The following PTPRN2 variants were observed in gnomAD, a reference collection of about 807,000 sequenced individuals.
The protein encoded by PTPRN2 is receptor-type tyrosine-protein phosphatase N2.
A neutral mutation model predicts 118.8 loss-of-function variants in PTPRN2; 74 were observed. The ratio of observed to expected loss-of-function variants is 0.62; its 90% CI spans 0.52 to 0.76. The LOEUF (loss-of-function observed/expected upper bound fraction) is 0.76. PTPRN2 is among the 30% of genes least tolerant of loss of function. PTPRN2 has a pLI of 0.00. For missense variants in PTPRN2, 1,481 were observed against 1,394.4 expected (o/e 1.06, Z -0.99); for synonymous variants, 641 against 608.0 (o/e 1.05, Z -0.80).
chr7:158,352,899 C>T (rs924012521), intron 2 of PTPRN2, among the ~76,000 whole-genome samples: 2 of 152,264 alleles, frequency 1.3e-5, no homozygotes, highest in East Asian at 3.8e-4. Context: ...GTTTCTGGAA[C>T]ATGGCAGCTG....
intron 13 of PTPRN2, among the ~76,000 whole-genome samples, chr7:157,664,397 C>T (rs1796036383): frequency 6.6e-6 from 1 of 152,258 alleles, no homozygotes; most frequent in South Asian, 2.1e-4. Context: ...AGAGCGGGGG[C>T]TCCTGTCAGC....
intron 3 of PTPRN2, among the ~76,000 whole-genome samples, chr7:158,311,305 G>GT (rs1187116715): frequency 2.0e-5 from 3 of 152,086 alleles, no homozygotes; most frequent in African/African-American, 4.8e-5. Context: ...TACATATTTG[G>GT]TTTTTTTGCT....
At chr7:157,694,485 A>G (rs1797673523) in intron 12 of PTPRN2, among the ~76,000 whole-genome samples, 2 of 152,168 alleles carry the variant, frequency 1.3e-5, no homozygotes, top group South Asian at 4.1e-4. Flanking sequence ...CCAAAGCTGA[A>G]GGCGGACCCA....
At chr7:157,624,062 A>G (rs1333869334) in intron 14 of PTPRN2, among the ~76,000 whole-genome samples, 4 of 152,194 alleles carry the variant, frequency 2.6e-5, no homozygotes, top group African/African-American at 9.7e-5. Context: ...AAAAGGTACC[A>G]CGGGAGCTTA....
intron 10 of PTPRN2, among the ~76,000 whole-genome samples, chr7:158,106,684 GC>G (rs566234705): frequency 1.7e-4 from 26 of 152,244 alleles, no homozygotes; most frequent in Admixed American, 1.7e-3. Flanking sequence ...CACTATCTGT[GC>G]CCTGCTCCCC....
intron 15 of PTPRN2, among the ~76,000 whole-genome samples, chr7:157,614,300 T>A (rs1029038953): frequency 1.7e-4 from 25 of 151,420 alleles, no homozygotes; most frequent in Admixed American, 4.6e-4. Context: ...GAAACGGGGG[T>A]TCTGGAAGGG....
chr7:158,379,875 C>A (rs1033572298), intron 2 of PTPRN2, among the ~76,000 whole-genome samples: 1 of 152,164 alleles, frequency 6.6e-6, no homozygotes, highest in African/African-American at 2.4e-5. Context: ...GCCTCACAAT[C>A]ATGGTGGAAG....
chr7:157,649,021 G>GCA (rs1805395147), intron 14 of PTPRN2, among the ~76,000 whole-genome samples: 1 of 142,038 alleles, frequency 7.0e-6, no homozygotes, highest in Non-Finnish European at 1.5e-5. Context: ...TCCATTCACT[G>GCA]TGCACTGAAC....
rs1427828370 is a variant in PTPRN2, at chr7:157,794,420, G to A, written c.1788+104253C>T. On this transcript the variant is annotated intron_variant, in intron 12 of 22. Coordinates refer to ENST00000389418, the MANE Select transcript of PTPRN2 (RefSeq NM_002847.5). The surrounding 1 kb of genome is among the most constrained non-coding windows in gnomAD (Gnocchi z 5.2). ...TGCGGTGACCAATTATAGCGTCGAC[G>A]ATGGCAGCTTCCCTCTGAAAGCCCA... is the stretch of plus-strand genomic sequence containing the variant. Among the ~76,000 whole-genome samples the A allele has an allele frequency of 3.3e-5, 5 of 152,194 alleles. No individual in the cohort carries two copies. The highest frequency in any genetic ancestry group is 1.9e-4 in the East Asian group (1 of 5,190).
intron 11 of PTPRN2, among the ~76,000 whole-genome samples, chr7:158,048,560 C>CCATCACTATCATCAT (rs531977452): frequency 2.6e-5 from 4 of 151,688 alleles, no homozygotes; most frequent in East Asian, 3.9e-4. Context: ...ACCATCATCA[C>CCATCACTATCATCAT]CATCACTATC....
intron 12 of PTPRN2, among the ~76,000 whole-genome samples, chr7:157,737,993 C>G (rs1800401501): frequency 6.6e-6 from 1 of 152,228 alleles, no homozygotes; most frequent in South Asian, 2.1e-4. Flanking sequence ...ACTCACCCCT[C>G]CTCTCTTCTC....
intron 1 of PTPRN2, among the ~76,000 whole-genome samples, chr7:158,512,417 A>G (rs1315940348): frequency 6.6e-6 from 1 of 152,204 alleles, no homozygotes; most frequent in Non-Finnish European, 1.5e-5. Context: ...TCCACATGGT[A>G]AGAGCCTGGA....
intron 3 of PTPRN2, among the ~76,000 whole-genome samples, chr7:158,265,141 C>A (rs569208388): frequency 6.6e-6 from 1 of 152,128 alleles, no homozygotes; most frequent in Non-Finnish European, 1.5e-5. Context: ...AGGCCCCTGG[C>A]CCGGTGGAGC....
chr7:158,177,776 T>C (rs911300729), intron 5 of PTPRN2, among the ~76,000 whole-genome samples: 1 of 152,224 alleles, frequency 6.6e-6, no homozygotes, highest in Non-Finnish European at 1.5e-5. Flanking sequence ...CCATTTCTGA[T>C]AGACATTTGG....
intron 2 of PTPRN2, among the ~76,000 whole-genome samples, chr7:158,351,213 C>T (rs1807905751): frequency 6.6e-6 from 1 of 152,200 alleles, no homozygotes; most frequent in Non-Finnish European, 1.5e-5. Flanking sequence ...CACCTCCACC[C>T]ACCCCCAGGG....
intron 12 of PTPRN2, among the ~76,000 whole-genome samples, chr7:157,714,862 C>A (rs1313607240): frequency 6.6e-6 from 1 of 151,648 alleles, no homozygotes; most frequent in Non-Finnish European, 1.5e-5. Flanking sequence ...TTCTCCTGAG[C>A]AGATTCTAGG....
At chr7:158,295,972 TAAAC>T (rs1265551587) in intron 3 of PTPRN2, among the ~76,000 whole-genome samples, 2 of 152,358 alleles carry the variant, frequency 1.3e-5, no homozygotes, top group East Asian at 3.9e-4. Context: ...CTTAGTTAAA[TAAAC>T]AGAAAGATGA....
chr7:157,882,069 T>G (rs1047668949), intron 12 of PTPRN2, among the ~76,000 whole-genome samples: 2 of 143,814 alleles, frequency 1.4e-5, no homozygotes, highest in Admixed American at 6.9e-5. Context: ...AAACTACTGT[T>G]GAAGAACAGA....
intron 2 of PTPRN2, among the ~76,000 whole-genome samples, chr7:158,321,413 T>C (rs1014753371): frequency 8.5e-5 from 13 of 152,184 alleles, no homozygotes; most frequent in African/African-American, 3.1e-4. Context: ...TACTTCGGAC[T>C]CTGTTTCCTG....
Sources: allele counts gnomAD v4.1 joint callset (sites outside exome capture counted in the v4.1 genomes callset), GRCh38; gene constraint gnomAD v4.1.1; non-coding constraint Gnocchi (gnomAD v3.1); transcripts MANE v1.5; gene names NCBI Gene and HGNC (gene_info 2026-07-23, HGNC 2026-07-21).